ANAPC1: variants seen among roughly 807,000 people sequenced by gnomAD.
ANAPC1 encodes anaphase promoting complex subunit 1, also known as anaphase-promoting complex subunit 1.
Under a neutral mutation model 208.0 loss-of-function variants are expected in ANAPC1, and 36 were observed. That is an observed-to-expected ratio of 0.17 (90% CI 0.13 to 0.23). The LOEUF is 0.23. ANAPC1 is among the 10% of genes least tolerant of loss of function. The pLI, the probability that ANAPC1 is intolerant of heterozygous loss-of-function variation, is 1.00. For synonymous variants in ANAPC1, 378 were observed against 695.2 expected, an observed-to-expected ratio of 0.54 and a Z score of 7.18; for missense variants, 942 against 2,011.6, an observed-to-expected ratio of 0.47 and a Z score of 10.17.
rs1346000837 is a variant in ANAPC1 at position 111,805,401 on chromosome 2, TCACTACGGCAAAAGGGGGTTA to T, written c.3924+380_3924+400del. On this transcript the variant is annotated intron_variant, in intron 30 of 47. Coordinates refer to ENST00000341068, the MANE Select transcript of ANAPC1 (RefSeq NM_022662.4). ...AACATTCTGGGATACACAGTGAACA[TCACTACGGCAAAAGGGGGTTA>T]GGGTTTGTTTCAAGCAGCTACTATA... Among the ~76,000 whole-genome samples the T allele has an allele frequency of 5.7e-4, 45 of 79,604 alleles. 5 individuals are homozygous for T. The highest frequency in any genetic ancestry group is 2.0e-3 in the African/African-American group (38 of 19,392). The allele number at this position is 79,604 out of a possible 152,430, so 52.2% of individuals were successfully genotyped here. A position where few individuals can be genotyped will look rare whatever the true frequency, so the allele number is the denominator to read the frequency against.
intron 46 of ANAPC1, among the ~76,000 whole-genome samples, chr2:111,776,368 C>T (rs112648273): frequency 0.11 from 15,079 of 137,752 alleles, 899 homozygotes; most frequent in Non-Finnish European, 0.15. Flanking sequence ...ATCACAAATC[C>T]TGCTGATAGA....
At chr2:111,787,157 A>G (rs1461726307) in intron 39 of ANAPC1, among the ~76,000 whole-genome samples, 1 of 151,408 alleles carries the variant, frequency 6.6e-6, no homozygotes, top group African/African-American at 2.4e-5. Context: ...TCGAAAAAAA[A>G]AAAAAAAGAT....
chr2:111,850,822 A>T lies in ANAPC1; in HGVS notation c.1604T>A (p.Val535Asp), dbSNP rs1290106352. ...MPRPSTPLDG[V>D]STPKPLSKLL... Reference sequence around the variant, plus strand: ...TTTACTAAGAGGCTTTGGAGTACTAACGCCATCTAGTGGAGTACTGGGCCG... The same window carrying T: ...TTTACTAAGAGGCTTTGGAGTACTATCGCCATCTAGTGGAGTACTGGGCCG... The change falls in exon 14 of 48, where the codon GTT becomes GAT. Residue 535 changes from valine to aspartate, a missense_variant. By Grantham distance (152) the Val-to-Asp change is radical. Coordinates refer to ENST00000341068, the MANE Select transcript of ANAPC1 (RefSeq NM_022662.4). The T allele has an allele frequency of 7.4e-6, 12 of 1,611,882 alleles. No homozygotes were observed. The highest frequency in any genetic ancestry group is 1.0e-5 in the Non-Finnish European group (12 of 1,179,868).
In ANAPC1 at chr2:111,798,958, T is replaced by C. The variant is rs1372593799; in HGVS notation, c.4296+1839A>G. On this transcript the variant is annotated intron_variant, in intron 34 of 47. Coordinates refer to ENST00000341068, the MANE Select transcript of ANAPC1 (RefSeq NM_022662.4). Reference sequence around the variant, plus strand: ...CTGAGGCAGGAGAATGGCGTGAACCTGGGAGGCGGAGCTTGCAGTGAGCCG... The same window carrying C: ...CTGAGGCAGGAGAATGGCGTGAACCCGGGAGGCGGAGCTTGCAGTGAGCCG... Among the ~76,000 whole-genome samples the C allele has an allele frequency of 5.8e-3, 873 of 149,602 alleles. 1 individual carries two copies. Among genetic ancestry groups the C allele is most frequent in the African/African-American group, 0.021 (839 of 40,710 alleles).
intron 7 of ANAPC1, among the ~76,000 whole-genome samples, chr2:111,867,502 C>G (rs753410626): frequency 2.0e-5 from 3 of 151,782 alleles, no homozygotes; most frequent in Admixed American, 6.6e-5. Context: ...ACCAGCCTGG[C>G]TAACATGATG....
intron 21 of ANAPC1, among the ~76,000 whole-genome samples, chr2:111,826,390 T>C (rs1679833139): frequency 6.6e-6 from 1 of 152,210 alleles, no homozygotes; most frequent in South Asian, 2.1e-4. Flanking sequence ...CTGGAAACAA[T>C]TCATCTGTTT....
intron 8 of ANAPC1, among the ~76,000 whole-genome samples, 192 bp downstream of exon 8, chr2:111,864,614 C>T (rs1318734626): frequency 2.0e-5 from 3 of 151,470 alleles, no homozygotes; most frequent in Admixed American, 6.6e-5. Context: ...ACAGAAGCCA[C>T]CACACCTGGC....
chr2:111,880,264 C>T (rs1458563036), intron 2 of ANAPC1, among the ~76,000 whole-genome samples: 4 of 151,878 alleles, frequency 2.6e-5, no homozygotes, highest in African/African-American at 7.3e-5. Context: ...CCCAGCTACT[C>T]GGGAGGCTGA....
At chr2:111,869,284 G>A (rs960894545) in intron 6 of ANAPC1, among the ~76,000 whole-genome samples, 20 of 151,444 alleles carry the variant, frequency 1.3e-4, no homozygotes, top group African/African-American at 4.9e-4. Context: ...TTTGCTCATC[G>A]CCCAGCTGGA....
chr2:111,836,395 C>CT (rs1680467579), intron 18 of ANAPC1, among the ~76,000 whole-genome samples: 1 of 151,472 alleles, frequency 6.6e-6, no homozygotes, highest in Non-Finnish European at 1.5e-5. Flanking sequence ...AATCGCAGCA[C>CT]TTTGAGAGAT....
Position 111,772,331 on chromosome 2 carries a change from A to G in ANAPC1, c.5719+10T>C. 2 of 1,613,746 alleles carry G rather than the reference A, an allele frequency of 1.2e-6. No homozygotes were observed. The highest frequency in any genetic ancestry group is 1.7e-6 in the Non-Finnish European group (2 of 1,179,820). ...GAGTTACTGAAGATAAGACTTAGATATGCAATTACCTTCTAGTCCTATAGG... is the reference window on the plus strand; with the variant it reads ...GAGTTACTGAAGATAAGACTTAGATGTGCAATTACCTTCTAGTCCTATAGG... On this transcript the variant is annotated intron_variant, in intron 47 of 47. Transcript: ENST00000341068.
intron 17 of ANAPC1, 90 bp from the exon 18 acceptor site, chr2:111,838,602 A>G: frequency 9.0e-7 from 1 of 1,116,814 alleles, no homozygotes; most frequent in South Asian, 1.7e-5. Context: ...CAGTTCTGCC[A>G]ATTACGAAAA....
chr2:111,869,465 G>A (rs1011423220), intron 6 of ANAPC1, among the ~76,000 whole-genome samples: 3 of 152,142 alleles, frequency 2.0e-5, no homozygotes, highest in Non-Finnish European at 2.9e-5. Context: ...GGCTGGTCTC[G>A]AACTCCTGAC....
At chr2:111,843,971 C>A (rs1680914192) in intron 16 of ANAPC1, among the ~76,000 whole-genome samples, 2 of 151,860 alleles carry the variant, frequency 1.3e-5, no homozygotes, top group African/African-American at 4.8e-5. Flanking sequence ...TTACAGGCGT[C>A]TGCCACTGCC....
In ANAPC1 at chr2:111,872,618, T is replaced by A. The variant is rs1310884125; in HGVS notation, c.611+12A>T. On this transcript the variant is annotated intron_variant, in intron 6 of 47. Transcript: ENST00000341068. ...CCAAGCAGTAATATTCTGAAGTGAA[T>A]AAAATGAATACCTGGGTGAACCTGG... 6.3e-7 allele frequency: 1 copy of A among 1,593,988 alleles called. No individual in the cohort carries two copies. Among genetic ancestry groups the A allele is most frequent in the African/African-American group, 1.3e-5 (1 of 74,376 alleles).
intron 25 of ANAPC1, chr2:111,821,690 T>C: frequency 2.2e-6 from 1 of 445,200 alleles, no homozygotes; most frequent in Non-Finnish European, 4.2e-6. Context: ...TCCCAGCACT[T>C]TGGGAGGCCG....
intron 29 of ANAPC1, among the ~76,000 whole-genome samples, chr2:111,806,970 A>G (rs1406914081): frequency 2.9e-5 from 2 of 68,992 alleles, no homozygotes; most frequent in African/African-American, 1.2e-4. Context: ...CCAAGGCAGG[A>G]GGATCACTTG....
chr2:111,781,902 A>G (rs1389436912), intron 43 of ANAPC1, among the ~76,000 whole-genome samples: 1 of 152,300 alleles, frequency 6.6e-6, no homozygotes, highest in Non-Finnish European at 1.5e-5. Flanking sequence ...GCAAATAATA[A>G]AGCAAACTAA....
intron 18 of ANAPC1, among the ~76,000 whole-genome samples, chr2:111,835,561 G>A (rs567930664): frequency 3.9e-5 from 6 of 152,252 alleles, no homozygotes; most frequent in Admixed American, 3.9e-4. Context: ...AAACTGGGCC[G>A]GGTGCAGTGG....
Sources: gnomAD v4.1 joint callset for allele counts (sites outside exome capture counted in the v4.1 genomes callset) on GRCh38, gnomAD v4.1.1 for gene constraint, MANE v1.5 for transcripts, NCBI Gene and HGNC (gene_info 2026-07-23, HGNC 2026-07-21) for gene names.